The following SUPT20H variants were observed in gnomAD, a reference collection of about 807,000 sequenced individuals.
SUPT20H encodes transcription factor SPT20 homolog.
SUPT20H carries 82 observed loss-of-function variants against 122.8 expected under a neutral mutation model. The observed-to-expected ratio is 0.67, with a 90% CI of 0.56 to 0.80. The LOEUF is 0.80. Among genes scored for constraint, SUPT20H ranks in the 30% least tolerant of loss-of-function variants. SUPT20H has a pLI of 0.00. For missense variants in SUPT20H, 831 were observed against 921.6 expected, an observed-to-expected ratio of 0.90 and a Z score of 1.27; for synonymous variants, 291 against 313.0, an observed-to-expected ratio of 0.93 and a Z score of 0.74.
At chr13:37,047,681 T>A in intron 4 of SUPT20H, 80 bp from the exon 5 acceptor site, 5 of 1,276,114 alleles carry the variant, frequency 3.9e-6, no homozygotes, top group Non-Finnish European at 5.2e-6. Context: ...AATTTTTTCC[T>A]AAATTTTCAC....
At chr13:37,055,030 G>T (rs954615613) in intron 1 of SUPT20H, among the ~76,000 whole-genome samples, 1 of 152,058 alleles carries the variant, frequency 6.6e-6, no homozygotes, top group African/African-American at 2.4e-5. Context: ...GCTTCAAAGA[G>T]AATAAAATAC....
rs771204270 is a variant in SUPT20H, at chr13:37,010,596, ATC to A, written c.2156_2157del (p.Arg719IlefsTer49). 9 of 1,613,818 alleles carry A rather than the reference ATC, an allele frequency of 5.6e-6. No homozygotes were observed. Among genetic ancestry groups the A allele is most frequent in the African/African-American group, 2.7e-5 (2 of 74,896 alleles). ...TGTTGAAAGGCAGAGGAGAGCTGGAATCTCTGCTGAGGAAGGCTTTGCTCAGG... is the reference window on the plus strand; with the variant it reads ...TGTTGAAAGGCAGAGGAGAGCTGGAATCTGCTGAGGAAGGCTTTGCTCAGG... ...NRPEQSLPQQRFQLSSAFQQQ... is the reference protein window; with the variant it reads ...NRPEQSLPQQXFQLSSAFQQQ... On this transcript the variant is annotated frameshift_variant, in exon 25 of 26. Coordinates refer to ENST00000350612, the MANE Select transcript of SUPT20H (RefSeq NM_001014286.3). LOFTEE classifies it high-confidence loss of function.
chr13:37,026,859 A>C, intron 14 of SUPT20H, 43 bp from the exon 15 acceptor site: 2 of 1,286,274 alleles, frequency 1.6e-6, no homozygotes, highest in Non-Finnish European at 2.1e-6. Context: ...AATGCAGCTC[A>C]AACTTTAACT....
intron 25 of SUPT20H, among the ~76,000 whole-genome samples, chr13:37,010,155 T>C (rs1051675758): frequency 2.0e-5 from 3 of 152,246 alleles, no homozygotes; most frequent in Admixed American, 2.0e-4. Context: ...AACTATAATA[T>C]GCTGACTTTC....
At chr13:37,057,802 C>T (rs1339611812) in intron 1 of SUPT20H, among the ~76,000 whole-genome samples, 1 of 151,916 alleles carries the variant, frequency 6.6e-6, no homozygotes, top group African/African-American at 2.4e-5. Flanking sequence ...GGCGAAACCC[C>T]GTCTCTACTA....
At chr13:37,017,484 A>AAC in intron 22 of SUPT20H, 120 bp from the exon 23 acceptor site, 1 of 1,080,474 alleles carries the variant, frequency 9.3e-7, no homozygotes, top group Non-Finnish European at 1.3e-6. Context: ...TTATTGAAGA[A>AAC]ACAGGTAAAG....
At chr13:37,028,336 C>T (rs756050425) in intron 13 of SUPT20H, 31 bp from the exon 14 acceptor site, 1 of 1,583,166 alleles carries the variant, frequency 6.3e-7, no homozygotes, top group Non-Finnish European at 8.6e-7. Flanking sequence ...CAAATAAATA[C>T]CTTCACAAGT....
chr13:37,018,121 T>A (rs1166758569), intron 22 of SUPT20H, among the ~76,000 whole-genome samples: 1 of 151,230 alleles, frequency 6.6e-6, no homozygotes, highest in African/African-American at 2.4e-5. Flanking sequence ...AAAAAAATAA[T>A]AATAAAAAAA....
chr13:37,039,757 T>C (rs1318192005), intron 9 of SUPT20H: 5 of 152,110 alleles, frequency 3.3e-5, no homozygotes, highest in African/African-American at 9.7e-5. Context: ...CAGTTAATAA[T>C]GTAGAAAAGA....
At chr13:37,028,387 T>C (rs1433414996) in intron 13 of SUPT20H, 82 bp from the exon 14 acceptor site, 1 of 1,270,550 alleles carries the variant, frequency 7.9e-7, no homozygotes, top group Non-Finnish European at 1.1e-6. Context: ...GAATAAATGA[T>C]ACAGTAACAT....
intron 12 of SUPT20H, among the ~76,000 whole-genome samples, chr13:37,030,514 A>G (rs933819784): frequency 1.1e-4 from 17 of 152,134 alleles, no homozygotes; most frequent in African/African-American, 4.1e-4. Context: ...TGTTTAACTG[A>G]TATCCTAGGT....
intron 13 of SUPT20H, 123 bp from the exon 14 acceptor site, chr13:37,028,428 T>G (rs1197068013): frequency 2.4e-5 from 21 of 890,432 alleles, no homozygotes; most frequent in Non-Finnish European, 3.5e-5. Context: ...ACACAGCACT[T>G]AGGCTACAAA....
chr13:37,023,780 G>C lies in SUPT20H; in HGVS notation c.1591+255C>G, dbSNP rs554586310. On this transcript the variant is annotated intron_variant, in intron 19 of 25. Coordinates refer to ENST00000350612, the MANE Select transcript of SUPT20H (RefSeq NM_001014286.3). ...AACTACCAGGTTATTTTTTTAAGGA[G>C]ATGTGTAGGTTGTAAGCCTATAAGA... The C allele has an allele frequency of 4.9e-5, 15 of 309,150 alleles. No individual in the cohort carries two copies. In the South Asian group the frequency reaches 2.2e-3, roughly 45 times the overall value. 19.2% of individuals were successfully genotyped at this position (309,150 alleles called of 1,614,324 possible). A position where few individuals can be genotyped will look rare whatever the true frequency, so the allele number is the denominator to read the frequency against.
At position 37,024,059 on chromosome 13, in the gene SUPT20H, G is replaced by C. The variant is rs149318408; in HGVS notation, c.1567C>G (p.Leu523Val). Residue 523 changes from leucine to valine, a missense_variant, in exon 19 of 26, where the codon CTA becomes GTA. Physicochemically the swap from Leu to Val is conservative, Grantham distance 32. Coordinates refer to ENST00000350612, the MANE Select transcript of SUPT20H (RefSeq NM_001014286.3). ...NQVSMLSPAA[L>V]SPASSSQRTT... ...CTTTGTGATGAGCTGGCAGGTGATAGGGCAGCTGGAGAAAGCATGCTAACT... is the reference window on the plus strand; with the variant it reads ...CTTTGTGATGAGCTGGCAGGTGATACGGCAGCTGGAGAAAGCATGCTAACT... The C allele has an allele frequency of 1.1e-5, 18 of 1,612,256 alleles. No individual in the cohort carries two copies. In the African/African-American group the frequency reaches 2.1e-4, roughly 19 times the overall value.
At chr13:37,024,760 CA>C (rs1204406817) in intron 17 of SUPT20H, 11 of 189,498 alleles carry the variant, frequency 5.8e-5, no homozygotes, top group Non-Finnish European at 1.1e-4. Flanking sequence ...TCCACTCTTC[CA>C]TACTTATCTA....
intron 16 of SUPT20H, 41 bp downstream of exon 16, chr13:37,026,163 A>G: frequency 1.3e-6 from 2 of 1,551,476 alleles, no homozygotes; most frequent in Non-Finnish European, 1.7e-6. Flanking sequence ...AAAATTTTTC[A>G]TATCCATCCT....
At chr13:37,033,145 T>A (rs888747932) in intron 10 of SUPT20H, among the ~76,000 whole-genome samples, 2 of 150,716 alleles carry the variant, frequency 1.3e-5, no homozygotes, top group African/African-American at 2.4e-5. Context: ...TTTAAAAAAA[T>A]AATAATACTA....
intron 1 of SUPT20H, among the ~76,000 whole-genome samples, chr13:37,055,986 A>C (rs1199967): frequency 0.072 from 10,916 of 152,304 alleles, 1,326 homozygotes; most frequent in African/African-American, 0.25. Context: ...TGAAAAGAAG[A>C]CATTTATACA....
intron 15 of SUPT20H, 55 bp downstream of exon 15, chr13:37,026,735 A>C: frequency 1.9e-6 from 2 of 1,035,186 alleles, no homozygotes; most frequent in Non-Finnish European, 2.7e-6. Flanking sequence ...CTTTTTAAAG[A>C]GTTTGATATT....
Sources: allele counts gnomAD v4.1 joint callset (sites outside exome capture counted in the v4.1 genomes callset), GRCh38; gene constraint gnomAD v4.1.1; transcripts MANE v1.5; gene names NCBI Gene and HGNC (gene_info 2026-07-23, HGNC 2026-07-21).